RARB: variants seen among roughly 807,000 people sequenced by gnomAD.
RARB encodes the protein retinoic acid receptor beta, also known as HBV-activated protein.
A neutral mutation model predicts 51.9 loss-of-function variants in RARB; 17 were observed. The ratio of observed to expected loss-of-function variants is 0.33; its 90% CI spans 0.22 to 0.49. The LOEUF (loss-of-function observed/expected upper bound fraction) is 0.49, where lower values mean the gene tolerates loss of function less well. Among genes scored for constraint, RARB ranks in the 20% least tolerant of loss-of-function variants. The pLI is 0.99. For missense variants in RARB, 369 were observed against 550.8 expected (o/e 0.67, Z 3.30); for synonymous variants, 215 against 195.4 (o/e 1.10, Z -0.84).
chr3:24,997,545 T>C (rs1359015274), intron 2 of RARB, among the ~76,000 whole-genome samples: 4 of 152,064 alleles, frequency 2.6e-5, no homozygotes, highest in Non-Finnish European at 5.9e-5. Context: ...ATTTTTGCAG[T>C]TGGGTGGTTT....
intron 1 of RARB, among the ~76,000 whole-genome samples, chr3:24,846,989 T>C (rs531021476): frequency 1.3e-5 from 2 of 152,278 alleles, no homozygotes; most frequent in African/African-American, 2.4e-5. Flanking sequence ...GTCTTCTATA[T>C]GAATACTTCT....
intron 2 of RARB, among the ~76,000 whole-genome samples, chr3:24,968,041 T>G (rs966042787): frequency 1.3e-5 from 2 of 152,140 alleles, no homozygotes; most frequent in African/African-American, 4.8e-5. Flanking sequence ...TTTGGTGTCT[T>G]TTTTGTTTGG....
At chr3:24,914,227 G>A (rs539977688) in intron 2 of RARB, among the ~76,000 whole-genome samples, 1 of 152,340 alleles carries the variant, frequency 6.6e-6, no homozygotes, top group South Asian at 2.1e-4. Context: ...TAGTGGTACA[G>A]CAACACATGC....
intron 5 of RARB, among the ~76,000 whole-genome samples, chr3:25,335,049 G>C (rs1705024179): frequency 1.3e-5 from 2 of 152,258 alleles, no homozygotes; most frequent in African/African-American, 4.8e-5. Flanking sequence ...TGTTAGGTGG[G>C]GGTGTGAATT....
chr3:25,564,426 T>C (rs978307744), intron 3 of RARB, among the ~76,000 whole-genome samples: 1 of 152,204 alleles, frequency 6.6e-6, no homozygotes, highest in African/African-American at 2.4e-5. Flanking sequence ...TGTGACCCCC[T>C]GAATGCCCCA....
intron 2 of RARB, among the ~76,000 whole-genome samples, chr3:25,469,891 G>C (rs985806659): frequency 1.3e-5 from 2 of 152,166 alleles, no homozygotes; most frequent in African/African-American, 4.8e-5. Flanking sequence ...GAATGACCAG[G>C]CTCAAGTCTT....
rs34629828 is a variant in RARB at position 25,367,652 on chromosome 3, T to TAAA, written c.179-93527_179-93525dup. On this transcript the variant is annotated intron_variant, in intron 5 of 11. Transcript: ENST00000383772. Reference sequence around the variant, plus strand: ...GCAACATGGTAAAAACCCATCTCTATAAAAAAAAAAAAAAAATACCAAAAT... The same window carrying TAAA: ...GCAACATGGTAAAAACCCATCTCTATAAAAAAAAAAAAAAAAAAATACCAAAAT... Among the ~76,000 whole-genome samples, 783 of 139,288 alleles carry TAAA rather than the reference T, an allele frequency of 5.6e-3. 5 individuals are homozygous for TAAA. Among genetic ancestry groups the TAAA allele is most frequent in the African/African-American group, 0.02 (754 of 37,202 alleles). The allele number at this position is 139,288 out of a possible 152,430, so 91.4% of individuals were successfully genotyped here.
intron 5 of RARB, among the ~76,000 whole-genome samples, chr3:25,323,162 A>C (rs1034283363): frequency 1.3e-5 from 2 of 150,198 alleles, no homozygotes; most frequent in Non-Finnish European, 3.0e-5. Context: ...CTCAAGGCAA[A>C]AACAGAAGCC....
intron 3 of RARB, among the ~76,000 whole-genome samples, chr3:25,529,896 A>C (rs1176490585): frequency 6.6e-6 from 1 of 152,190 alleles, no homozygotes; most frequent in Non-Finnish European, 1.5e-5. Context: ...AGGTACTCAA[A>C]AAAGTGATTT....
intron 2 of RARB, among the ~76,000 whole-genome samples, chr3:24,964,950 A>G (rs1409873180): frequency 6.6e-6 from 1 of 152,176 alleles, no homozygotes; most frequent in East Asian, 1.9e-4. Flanking sequence ...GTTCTCACCT[A>G]TGAACTATAT....
intron 2 of RARB, among the ~76,000 whole-genome samples, chr3:24,890,826 G>A (rs1703363187): frequency 6.6e-6 from 1 of 151,886 alleles, no homozygotes; most frequent in South Asian, 2.1e-4. Flanking sequence ...TGCATGATAT[G>A]TGAATGAGGG....
intron 5 of RARB, among the ~76,000 whole-genome samples, chr3:25,228,058 T>C (rs1399155938): frequency 6.6e-6 from 1 of 152,114 alleles, no homozygotes; most frequent in Admixed American, 6.6e-5. Context: ...TTTGTCTCAA[T>C]ACTCTCACAT....
At chr3:24,897,553 A>G (rs1703503361) in intron 2 of RARB, among the ~76,000 whole-genome samples, 1 of 152,212 alleles carries the variant, frequency 6.6e-6, no homozygotes, top group Non-Finnish European at 1.5e-5. Context: ...AAGATAGAAT[A>G]CTATAAAAAA....
intron 3 of RARB, among the ~76,000 whole-genome samples, chr3:25,079,740 G>A (rs991879312): frequency 6.6e-6 from 1 of 152,156 alleles, no homozygotes; most frequent in African/African-American, 2.4e-5. Context: ...GGTTAGTCAT[G>A]AGGTAGTATC....
intron 5 of RARB, among the ~76,000 whole-genome samples, chr3:25,232,203 C>A (rs1007181659): frequency 3.3e-5 from 5 of 152,008 alleles, no homozygotes; most frequent in Admixed American, 3.3e-4. Flanking sequence ...TGTGTTTATC[C>A]TTTTACCAAT....
chr3:25,509,171 G>A (rs115286324), intron 3 of RARB, among the ~76,000 whole-genome samples: 1,910 of 152,272 alleles, frequency 0.013, 22 homozygotes, highest in Middle Eastern at 0.024. Context: ...TGCAGCCCTC[G>A]CCTCTAGCTA....
chr3:25,112,993 T>C (rs189301011), intron 3 of RARB, among the ~76,000 whole-genome samples: 73 of 152,316 alleles, frequency 4.8e-4, no homozygotes, highest in African/African-American at 1.7e-3. Flanking sequence ...GCTCTTGATA[T>C]GAGATATTCA....
Position 24,926,004 on chromosome 3 carries a change from A to G in RARB, c.-380+67252A>G, listed in dbSNP as rs560674808. 2.2e-4 allele frequency among the ~76,000 whole-genome samples: 33 copies of G among 152,258 alleles called. No individual in the cohort carries two copies. The South Asian group carries it at 6.8e-3, about 32-fold the overall frequency. On this transcript the variant is annotated intron_variant, in intron 2 of 11. Transcript: ENST00000383772. Reference sequence around the variant, plus strand: ...ACTCCTGTCTGTAACAGAAGCACACAGTAGGTGATCTGAGAATACTTCCTT... The same window carrying G: ...ACTCCTGTCTGTAACAGAAGCACACGGTAGGTGATCTGAGAATACTTCCTT...
intron 3 of RARB, among the ~76,000 whole-genome samples, chr3:25,084,350 G>A (rs766528023): frequency 3.8e-4 from 58 of 151,978 alleles, no homozygotes; most frequent in Non-Finnish European, 7.1e-4. Flanking sequence ...TTCTTTAGAA[G>A]AACTCTGAAG....
Sources: gnomAD v4.1 joint callset for allele counts (sites outside exome capture counted in the v4.1 genomes callset) on GRCh38, gnomAD v4.1.1 for gene constraint, MANE v1.5 for transcripts, NCBI Gene and HGNC (gene_info 2026-07-23, HGNC 2026-07-21) for gene names.